The following C16orf74 variants were observed in gnomAD, a reference collection of about 807,000 sequenced individuals.
C16orf74 encodes the protein uncharacterized protein C16orf74.
Under a neutral mutation model 6.5 loss-of-function variants are expected in C16orf74, and 10 were observed. The observed-to-expected ratio is 1.54, with a 90% CI of 0.95 to 2.61. C16orf74 has a LOEUF of 2.61. Among genes scored for constraint, C16orf74 ranks in the 30% most tolerant of loss-of-function variants. The probability of loss-of-function intolerance (pLI) is 0.00; values close to 1 mark genes in which losing one functional copy is unlikely to be tolerated. For missense variants in C16orf74, 141 were observed against 105.9 expected (o/e 1.33, Z -1.45); for synonymous variants, 60 against 42.5 (o/e 1.41, Z -1.60).
intron 1 of C16orf74, among the ~76,000 whole-genome samples, chr16:85,740,563 G>A (rs1050364040): frequency 2.4e-4 from 37 of 152,072 alleles, no homozygotes; most frequent in African/African-American, 7.7e-4. Flanking sequence ...TTAGCCAGGC[G>A]TGGTGGCGGG....
At chr16:85,735,293 C>T (rs1369959500) in intron 1 of C16orf74, 58 bp from the exon 2 acceptor site, 11 of 1,334,760 alleles carry the variant, frequency 8.2e-6, no homozygotes, top group African/African-American at 3.0e-5. Context: ...GTATTGGCCA[C>T]GTGCAGCCGG....
At chr16:85,748,720 C>G (rs529022597) in intron 1 of C16orf74, among the ~76,000 whole-genome samples, 1 of 152,268 alleles carries the variant, frequency 6.6e-6, no homozygotes, top group South Asian at 2.1e-4. Flanking sequence ...TGTTTCTTAT[C>G]AGACTTAAAG....
chr16:85,723,931 G>C (rs1266537235), intron 2 of C16orf74, among the ~76,000 whole-genome samples: 1 of 152,222 alleles, frequency 6.6e-6, no homozygotes, highest in Non-Finnish European at 1.5e-5. Flanking sequence ...AGGATAACTA[G>C]GCTGGTCTGC....
intron 2 of C16orf74, among the ~76,000 whole-genome samples, chr16:85,729,372 G>C (rs1299387823): frequency 6.6e-6 from 1 of 152,216 alleles, no homozygotes; most frequent in Non-Finnish European, 1.5e-5. Context: ...CTTGAGCAGA[G>C]GGACTCTGCA....
chr16:85,714,389 ATTTATTTATTTATTAT>A (rs1193950882), intron 2 of C16orf74, among the ~76,000 whole-genome samples: 1 of 70,426 alleles, frequency 1.4e-5, no homozygotes, highest in Non-Finnish European at 2.6e-5. Context: ...TTATTTATTT[ATTTATTTATTTATTAT>A]TTATTTATTT....
intron 2 of C16orf74, among the ~76,000 whole-genome samples, chr16:85,724,641 G>A (rs189423670): frequency 7.3e-4 from 111 of 152,244 alleles, no homozygotes; most frequent in Middle Eastern, 3.4e-3. Flanking sequence ...TGGGAATGAC[G>A]GGGATGACGG....
chr16:85,714,801 G>A (rs928731387), intron 2 of C16orf74, among the ~76,000 whole-genome samples: 1 of 151,854 alleles, frequency 6.6e-6, no homozygotes, highest in Non-Finnish European at 1.5e-5. Flanking sequence ...GCCCCTCAGC[G>A]GCACCCACAC....
At chr16:85,742,725 G>A (rs954286526) in intron 1 of C16orf74, among the ~76,000 whole-genome samples, 1 of 152,144 alleles carries the variant, frequency 6.6e-6, no homozygotes, top group South Asian at 2.1e-4. Flanking sequence ...ATTTTTAGTA[G>A]AGATGGGGTT....
chr16:85,728,000 G>A (rs139976237), intron 2 of C16orf74, among the ~76,000 whole-genome samples: 1,740 of 149,504 alleles, frequency 0.012, 30 homozygotes, highest in African/African-American at 0.04. Context: ...TTAGCTGGGC[G>A]TGGTGTTGTA....
intron 3 of C16orf74, among the ~76,000 whole-genome samples, chr16:85,709,423 C>G (rs974635734): frequency 6.6e-6 from 1 of 151,988 alleles, no homozygotes; most frequent in African/African-American, 2.4e-5. Context: ...TCTGAGAATT[C>G]CTGTAAGAAC....
intron 2 of C16orf74, among the ~76,000 whole-genome samples, chr16:85,723,784 G>C (rs1312913324): frequency 1.3e-5 from 2 of 152,236 alleles, no homozygotes; most frequent in Non-Finnish European, 2.9e-5. Context: ...GCAGTACTGT[G>C]GGGCTGACAG....
chr16:85,731,333 G>A (rs895937995), intron 2 of C16orf74, among the ~76,000 whole-genome samples: 3 of 152,252 alleles, frequency 2.0e-5, no homozygotes, highest in Non-Finnish European at 4.4e-5. Flanking sequence ...CTGTGCAGCT[G>A]CAGAGGTCAC....
chr16:85,710,622 C>T (rs557398172), intron 2 of C16orf74: 13 of 307,504 alleles, frequency 4.2e-5, no homozygotes, highest in South Asian at 1.9e-4. Flanking sequence ...GCCTCATTCC[C>T]GGCCACCAGC....
intron 2 of C16orf74, among the ~76,000 whole-genome samples, chr16:85,712,691 C>T (rs2053981818): frequency 6.6e-6 from 1 of 152,242 alleles, no homozygotes; most frequent in South Asian, 2.1e-4. Flanking sequence ...GCTTTGGAAT[C>T]AGGCCACCAG....
At position 85,710,289 on chromosome 16, in the gene C16orf74, C is replaced by T. The variant is rs1369946416; in HGVS notation, c.47G>A (p.Ser16Asn). 2.0e-6 allele frequency: 3 copies of T among 1,510,874 alleles called. No homozygotes were observed. The highest frequency in any genetic ancestry group is 2.4e-5 in the Admixed American group (1 of 41,820). 93.6% of individuals were successfully genotyped at this position (1,510,874 alleles called of 1,614,324 possible). Residue 16 changes from serine to asparagine, a missense_variant, in exon 3 of 4, where the codon AGC becomes AAC. Ser to Asn is a conservative substitution (Grantham distance 46, BLOSUM62 1). Coordinates refer to ENST00000284245, the MANE Select transcript of C16orf74 (RefSeq NM_206967.3). ...CTCGTCGTGGCTGCTGCTGCTGCTGCTGACACACATTTGAAAGCCTGAGAA... is the reference window on the plus strand; with the variant it reads ...CTCGTCGTGGCTGCTGCTGCTGCTGTTGACACACATTTGAAAGCCTGAGAA... ...SCLKGFQMCV[S>N]SSSSSHDEAP...
intron 2 of C16orf74, among the ~76,000 whole-genome samples, chr16:85,716,688 C>T (rs1308569839): frequency 3.7e-5 from 4 of 109,044 alleles, no homozygotes; most frequent in South Asian, 3.2e-4. Flanking sequence ...AGGAGGAAGG[C>T]GAGAGGGAGG....
intron 2 of C16orf74, among the ~76,000 whole-genome samples, chr16:85,718,391 G>A (rs1036947126): frequency 6.6e-6 from 1 of 152,176 alleles, no homozygotes; most frequent in Non-Finnish European, 1.5e-5. Flanking sequence ...CAGCGTTTGG[G>A]CTTGCACCCC....
At chr16:85,736,019 C>T (rs1193466725) in intron 1 of C16orf74, among the ~76,000 whole-genome samples, 2 of 152,146 alleles carry the variant, frequency 1.3e-5, no homozygotes, top group Non-Finnish European at 2.9e-5. Flanking sequence ...GGAGCTGAGA[C>T]TCGAACCCAG....
chr16:85,725,921 C>T (rs1455393431), intron 2 of C16orf74, among the ~76,000 whole-genome samples: 1 of 152,192 alleles, frequency 6.6e-6, no homozygotes, highest in Non-Finnish European at 1.5e-5. Context: ...TCTCAATCCA[C>T]ACCTCAGCTT....
Sources: gnomAD v4.1 joint callset for allele counts (sites outside exome capture counted in the v4.1 genomes callset) on GRCh38, gnomAD v4.1.1 for gene constraint, MANE v1.5 for transcripts, NCBI Gene and HGNC (gene_info 2026-07-23, HGNC 2026-07-21) for gene names.